Variants in SRGAP1 observed in about 807,000 individuals in gnomAD.
SRGAP1 encodes SLIT-ROBO Rho GTPase-activating protein 1.
A neutral mutation model predicts 121.9 loss-of-function variants in SRGAP1; 43 were observed. The ratio of observed to expected loss-of-function variants is 0.35; its 90% CI spans 0.28 to 0.46. The LOEUF (loss-of-function observed/expected upper bound fraction) is 0.46. SRGAP1 is among the 20% of genes least tolerant of loss of function. The pLI is 1.00. For missense variants in SRGAP1, 1,102 were observed against 1,350.9 expected (o/e 0.82, Z 2.89); for synonymous variants, 447 against 485.4 (o/e 0.92, Z 1.04).
chr12:64,049,877 T>C (rs1593077798), intron 6 of SRGAP1, among the ~76,000 whole-genome samples: 1 of 152,170 alleles, frequency 6.6e-6, no homozygotes, highest in Admixed American at 6.6e-5. Context: ...CTACTGGAGG[T>C]TTTTTGTGGT....
chr12:64,061,586 A>G (rs1337419048), intron 6 of SRGAP1, among the ~76,000 whole-genome samples: 1 of 152,184 alleles, frequency 6.6e-6, no homozygotes, highest in Non-Finnish European at 1.5e-5. Context: ...TTATAAATCT[A>G]CAGCTGTCTT....
chr12:63,845,427 G>A (rs535478903), intron 1 of SRGAP1, among the ~76,000 whole-genome samples: 1 of 152,254 alleles, frequency 6.6e-6, no homozygotes, highest in East Asian at 1.9e-4. Context: ...TAAAAGCCTG[G>A]CAGTTAAACG....
intron 1 of SRGAP1, among the ~76,000 whole-genome samples, chr12:63,913,319 T>C (rs7133736): frequency 0.34 from 49,210 of 144,832 alleles, 8,622 homozygotes; most frequent in Middle Eastern, 0.51. Context: ...TAACCATGCC[T>C]AGCTAATTTT....
At chr12:64,110,462 C>G (rs1374956362) in intron 16 of SRGAP1, among the ~76,000 whole-genome samples, 3 of 152,220 alleles carry the variant, frequency 2.0e-5, no homozygotes, top group East Asian at 1.9e-4. Context: ...TTCATGCAGA[C>G]ACAAGGGCCC....
chr12:63,979,874 G>A (rs2033199854), intron 1 of SRGAP1, among the ~76,000 whole-genome samples: 1 of 152,170 alleles, frequency 6.6e-6, no homozygotes, highest in African/African-American at 2.4e-5. Flanking sequence ...AATGTCTTAT[G>A]CAGAAATAAG....
intron 20 of SRGAP1, 52 bp downstream of exon 20, chr12:64,127,776 A>T: frequency 6.2e-7 from 1 of 1,605,168 alleles, no homozygotes; most frequent in Non-Finnish European, 8.5e-7. Flanking sequence ...TCCTGGGGCC[A>T]TGAGGAGCCA....
intron 1 of SRGAP1, among the ~76,000 whole-genome samples, chr12:63,911,594 G>C (rs1448576697): frequency 2.0e-5 from 3 of 152,186 alleles, no homozygotes; most frequent in Non-Finnish European, 4.4e-5. Context: ...CAGAATTACT[G>C]TATCCCCTTG....
At position 64,149,405 on chromosome 12, in the gene SRGAP1, T is replaced by A. The variant is rs2037095004; in HGVS notation, c.*6733T>A. ...CCGATGCTGGATGCTTTTTCTTCAA[T>A]GCCTACTTTAGGACCACAGAGTTGG... On this transcript the variant is annotated 3_prime_UTR_variant, in exon 22 of 22. Coordinates refer to ENST00000355086, the MANE Select transcript of SRGAP1 (RefSeq NM_020762.4). 1 of 152,228 alleles carries A rather than the reference T, an allele frequency of 6.6e-6. No homozygotes were observed. The highest frequency in any genetic ancestry group is 1.5e-5 in the Non-Finnish European group (1 of 68,052). 9.4% of individuals were successfully genotyped at this position (152,228 alleles called of 1,614,324 possible).
At chr12:63,871,298 C>T (rs1234092374) in intron 1 of SRGAP1, among the ~76,000 whole-genome samples, 1 of 151,966 alleles carries the variant, frequency 6.6e-6, no homozygotes, top group Non-Finnish European at 1.5e-5. Context: ...TGCCATTTTT[C>T]CTTCATTTTC....
intron 6 of SRGAP1, among the ~76,000 whole-genome samples, chr12:64,055,368 G>T (rs2136525232): frequency 6.7e-6 from 1 of 150,352 alleles, no homozygotes; most frequent in African/African-American, 2.5e-5. Flanking sequence ...ACAAACAAAT[G>T]GAAGAACATT....
intron 1 of SRGAP1, among the ~76,000 whole-genome samples, chr12:63,866,419 G>A (rs999352894): frequency 1.3e-5 from 2 of 152,180 alleles, no homozygotes; most frequent in Non-Finnish European, 2.9e-5. Flanking sequence ...TCTGCTTTTT[G>A]TCTAACATCA....
At chr12:64,011,796 T>C (rs1165615203) in intron 3 of SRGAP1, among the ~76,000 whole-genome samples, 1 of 152,164 alleles carries the variant, frequency 6.6e-6, no homozygotes, top group Non-Finnish European at 1.5e-5. Flanking sequence ...GACCTATGTT[T>C]AAATAAACTT....
At chr12:64,014,107 CACTT>C (rs934656463) in intron 3 of SRGAP1, among the ~76,000 whole-genome samples, 1 of 152,188 alleles carries the variant, frequency 6.6e-6, no homozygotes, top group African/African-American at 2.4e-5. Flanking sequence ...ATCTTATTAA[CACTT>C]ACAAGAACCT....
intron 3 of SRGAP1, among the ~76,000 whole-genome samples, chr12:63,995,247 A>C (rs1403797309): frequency 6.6e-6 from 1 of 152,234 alleles, no homozygotes; most frequent in Non-Finnish European, 1.5e-5. Flanking sequence ...TTCTTCACCA[A>C]TAATGATATC....
chr12:64,087,077 C>A, intron 11 of SRGAP1, 51 bp downstream of exon 11: 1 of 1,359,040 alleles, frequency 7.4e-7, no homozygotes, highest in South Asian at 1.3e-5. Context: ...TTCTCTTTAA[C>A]AAGAAGCAAC....
At position 64,112,425 on chromosome 12, in the gene SRGAP1, T is replaced by C. The variant is rs138934553; in HGVS notation, c.2144+439T>C. On this transcript the variant is annotated intron_variant, in intron 17 of 21. Coordinates refer to ENST00000355086, the MANE Select transcript of SRGAP1 (RefSeq NM_020762.4). ...CATTCTTAACTTTTCATTTTCACTC[T>C]TCCTAATGAATATAATTCTAGCTAT... Among the ~76,000 whole-genome samples the C allele has an allele frequency of 4.7e-3, 711 of 152,330 alleles. 5 individuals carry two copies. The highest frequency in any genetic ancestry group is 0.016 in the African/African-American group (679 of 41,568).
chr12:63,888,258 C>G (rs376574645), intron 1 of SRGAP1: 10 of 152,362 alleles, frequency 6.6e-5, no homozygotes, highest in African/African-American at 2.4e-4. Context: ...CGGTCTTCAT[C>G]TGACCTTCTG....
rs1197376325 is a variant in SRGAP1 at position 64,160,675 on chromosome 12, GA to G, written c.*18004del. On this transcript the variant is annotated 3_prime_UTR_variant, in exon 22 of 22. Coordinates refer to ENST00000355086, the MANE Select transcript of SRGAP1 (RefSeq NM_020762.4). Reference sequence around the variant, plus strand: ...TTGCCAGTGGCTGGGTCCTGGGGCCGATAACTTCAAGCTAAACATTCAATAT... The same window carrying G: ...TTGCCAGTGGCTGGGTCCTGGGGCCGTAACTTCAAGCTAAACATTCAATAT... The G allele has an allele frequency of 5.9e-5, 9 of 152,140 alleles. No homozygotes were observed. Among genetic ancestry groups the G allele is most frequent in the Non-Finnish European group, 1.0e-4 (7 of 68,028 alleles). 9.4% of individuals were successfully genotyped at this position (152,140 alleles called of 1,614,324 possible).
intron 4 of SRGAP1, among the ~76,000 whole-genome samples, chr12:64,021,526 C>G (rs1440266354): frequency 1.3e-5 from 2 of 152,178 alleles, no homozygotes; most frequent in African/African-American, 4.8e-5. Flanking sequence ...CTCAGAGGGA[C>G]TTGCCCCAGG....
Sources: gnomAD v4.1 joint callset for allele counts (sites outside exome capture counted in the v4.1 genomes callset) on GRCh38, gnomAD v4.1.1 for gene constraint, MANE v1.5 for transcripts, NCBI Gene and HGNC (gene_info 2026-07-23, HGNC 2026-07-21) for gene names.